NINL: variants seen among roughly 807,000 people sequenced by gnomAD.
NINL encodes ninein-like protein.
Under a neutral mutation model 160.3 loss-of-function variants are expected in NINL, and 153 were observed. That is an observed-to-expected ratio of 0.95 (90% CI 0.84 to 1.09). NINL has a LOEUF of 1.09. Among genes scored for constraint, NINL ranks in the 50% least tolerant of loss-of-function variants. NINL has a pLI of 0.00. For synonymous variants in NINL, 800 were observed against 734.8 expected, an observed-to-expected ratio of 1.09 and a Z score of -1.43; for missense variants, 1,829 against 1,764.0, an observed-to-expected ratio of 1.04 and a Z score of -0.66.
At chr20:25,571,453 G>A (rs1279633885) in intron 1 of NINL, among the ~76,000 whole-genome samples, 2 of 152,180 alleles carry the variant, frequency 1.3e-5, no homozygotes, top group Admixed American at 1.3e-4. Context: ...GTGCACACCT[G>A]CCCCAGCAGC....
chr20:25,515,541 A>C (rs568899570), intron 3 of NINL, among the ~76,000 whole-genome samples: 1 of 152,252 alleles, frequency 6.6e-6, no homozygotes, highest in African/African-American at 2.4e-5. Flanking sequence ...TTGTGTTTTG[A>C]AATGTGAGAA....
At chr20:25,467,341 A>C in intron 19 of NINL, 48 bp downstream of exon 19, 1 of 1,392,790 alleles carries the variant, frequency 7.2e-7, no homozygotes. Flanking sequence ...AAAATAATGA[A>C]AAAAAGGAAT....
rs762764632 is a variant in NINL, at chr20:25,461,382, G to C, written c.3696+140C>G. On this transcript the variant is annotated intron_variant, in intron 21 of 23. Transcript: ENST00000278886. ...CTGGGAGCAGCTTCGGTCCTGGCCC[G>C]GTAAGCACCTGGACAGCTGTGCCCA... 2.1e-5 allele frequency: 12 copies of C among 574,564 alleles called. No individual in the cohort carries two copies. In the South Asian group the frequency reaches 2.6e-4, roughly 13 times the overall value. The allele number at this position is 574,564 out of a possible 1,614,324, so 35.6% of individuals were successfully genotyped here. A position where few individuals can be genotyped will look rare whatever the true frequency, so the allele number is the denominator to read the frequency against.
At chr20:25,489,460 C>T (rs931567590) in intron 12 of NINL, 136 bp from the exon 13 acceptor site, 3 of 707,686 alleles carry the variant, frequency 4.2e-6, no homozygotes, top group East Asian at 2.7e-5. Flanking sequence ...TAGCCGCCAT[C>T]CCCCCTCCTT....
chr20:25,554,347 A>T (rs1419568675), intron 1 of NINL, among the ~76,000 whole-genome samples: 1 of 152,194 alleles, frequency 6.6e-6, no homozygotes, highest in Non-Finnish European at 1.5e-5. Context: ...AGGTAGAGAC[A>T]TAGCCCTGGG....
chr20:25,488,331 T>C (rs998956396), intron 13 of NINL, among the ~76,000 whole-genome samples: 12 of 152,304 alleles, frequency 7.9e-5, no homozygotes, highest in Admixed American at 7.2e-4. Context: ...GTTCAAGTGA[T>C]TCTCCTGCCT....
intron 17 of NINL, among the ~76,000 whole-genome samples, chr20:25,473,829 C>T (rs1367173851): frequency 6.6e-6 from 1 of 152,022 alleles, no homozygotes; most frequent in Non-Finnish European, 1.5e-5. Context: ...GGTTGTACCA[C>T]TGCACTCCAG....
chr20:25,499,050 G>C, intron 8 of NINL: 3 of 985,392 alleles, frequency 3.0e-6, no homozygotes, highest in Non-Finnish European at 1.2e-6. Context: ...GGCTACAAAC[G>C]CCCTGCTCAG....
intron 7 of NINL, among the ~76,000 whole-genome samples, chr20:25,503,187 T>C (rs1028197502): frequency 6.6e-6 from 1 of 150,732 alleles, no homozygotes; most frequent in Non-Finnish European, 1.5e-5. Flanking sequence ...ACCTGAGCAC[T>C]GCCTCCTGTA....
In NINL at chr20:25,499,211, C is replaced by T. The variant is rs2063818845; in HGVS notation, c.1033-865G>A. The T allele has an allele frequency of 3.0e-6, 3 of 985,248 alleles. No homozygotes were observed. In the South Asian group the frequency reaches 1.4e-4, roughly 46 times the overall value. The allele number at this position is 985,248 out of a possible 1,614,324, so 61.0% of individuals were successfully genotyped here. On this transcript the variant is annotated intron_variant, in intron 8 of 23. Transcript: ENST00000278886. ...TGGCATCTTGGGAGAGGCTGGGGAGCCGCCTGGAAAGCTGTCCCTACACAA... is the reference window on the plus strand; with the variant it reads ...TGGCATCTTGGGAGAGGCTGGGGAGTCGCCTGGAAAGCTGTCCCTACACAA...
At chr20:25,583,232 A>G (rs1002131873) in intron 1 of NINL, among the ~76,000 whole-genome samples, 1 of 152,198 alleles carries the variant, frequency 6.6e-6, no homozygotes, top group African/African-American at 2.4e-5. Flanking sequence ...CCTTCTGACA[A>G]AGGTCTAATA....
rs149759429 is a variant in NINL, at chr20:25,524,460, C to CCAGCT, written c.180+1947_180+1948insAGCTG. On this transcript the variant is annotated intron_variant, in intron 2 of 23. Transcript: ENST00000278886. ...ACGATGGCTGGACACGCATGGCTAT[C>CCAGCT]CCAGGGGGAGCTGAGTCAGAAAGGG... 1.4e-4 allele frequency among the ~76,000 whole-genome samples: 22 copies of CCAGCT among 152,316 alleles called. No individual in the cohort carries two copies. The East Asian group carries it at 4.2e-3, about 29-fold the overall frequency.
intron 1 of NINL, among the ~76,000 whole-genome samples, chr20:25,564,473 A>T (rs1199326287): frequency 2.0e-5 from 3 of 152,154 alleles, no homozygotes; most frequent in Admixed American, 6.5e-5. Flanking sequence ...GCATGCCACC[A>T]GGCCCAACTA....
intron 1 of NINL, among the ~76,000 whole-genome samples, chr20:25,564,020 C>T (rs1377128423): frequency 6.6e-6 from 1 of 152,052 alleles, no homozygotes; most frequent in Admixed American, 6.6e-5. Context: ...GGAGACCAAC[C>T]CGAGCAACAA....
chr20:25,477,274 G>A (rs952772074), intron 16 of NINL, among the ~76,000 whole-genome samples, 185 bp from the exon 17 acceptor site: 2 of 152,190 alleles, frequency 1.3e-5, no homozygotes, highest in East Asian at 1.9e-4. Flanking sequence ...GAGTCCAGAC[G>A]AGGATCCGCC....
At chr20:25,515,200 C>A (rs932511017) in intron 3 of NINL, among the ~76,000 whole-genome samples, 7 of 152,222 alleles carry the variant, frequency 4.6e-5, no homozygotes, top group African/African-American at 1.7e-4. Context: ...AGGATGGGAG[C>A]CCACCCCTTG....
At chr20:25,508,741 C>T (rs1029831117) in intron 5 of NINL, among the ~76,000 whole-genome samples, 9 of 152,248 alleles carry the variant, frequency 5.9e-5, no homozygotes, top group Non-Finnish European at 1.0e-4. Flanking sequence ...CAGTCACCTG[C>T]ATCCCTGCAC....
chr20:25,476,322 G>GT lies in NINL; in HGVS notation c.2968dup (p.Thr990AsnfsTer68). 6.2e-7 allele frequency: 1 copy of GT among 1,612,946 alleles called. No individual in the cohort carries two copies. The highest frequency in any genetic ancestry group is 8.5e-7 in the Non-Finnish European group (1 of 1,179,940). On this transcript the variant is annotated frameshift_variant, in exon 17 of 24. Coordinates refer to ENST00000278886, the MANE Select transcript of NINL (RefSeq NM_025176.6). LOFTEE classifies it high-confidence loss of function. ...CTGCTGCTCCGAGGCCTGCTCCTGG[G>GT]TGCCCCTGCTCCAGCTTCGTGCTCG...
intron 10 of NINL, among the ~76,000 whole-genome samples, chr20:25,496,002 G>A (rs929973343): frequency 6.6e-6 from 1 of 152,110 alleles, no homozygotes. Context: ...AAATTAGCTG[G>A]GTGTGGTGGC....
Sources: allele counts gnomAD v4.1 joint callset (sites outside exome capture counted in the v4.1 genomes callset), GRCh38; gene constraint gnomAD v4.1.1; transcripts MANE v1.5; gene names NCBI Gene and HGNC (gene_info 2026-07-23, HGNC 2026-07-21).